Variants in NAV2 observed in about 807,000 individuals in gnomAD.
The protein encoded by NAV2 is helicase, APC down-regulated 1.
A neutral mutation model predicts 223.2 loss-of-function variants in NAV2; 54 were observed. The observed-to-expected ratio is 0.24, with a 90% CI of 0.19 to 0.30. The LOEUF (loss-of-function observed/expected upper bound fraction) is 0.30. Among genes scored for constraint, NAV2 ranks in the 10% least tolerant of loss-of-function variants. The pLI, the probability that NAV2 is intolerant of heterozygous loss-of-function variation, is 1.00. For synonymous variants in NAV2, 1,279 were observed against 1,239.3 expected, an observed-to-expected ratio of 1.03 and a Z score of -0.67; for missense variants, 2,806 against 3,147.5, an observed-to-expected ratio of 0.89 and a Z score of 2.60.
chr11:19,971,341 G>A (rs935630623), intron 10 of NAV2, among the ~76,000 whole-genome samples: 9 of 152,254 alleles, frequency 5.9e-5, no homozygotes, highest in African/African-American at 2.2e-4. Flanking sequence ...CCTTTTCACT[G>A]TGGGATTTTA....
Position 20,095,761 on chromosome 11 carries a change from G to T in NAV2, c.6006G>T (p.Leu2002=), listed in dbSNP as rs138115924. 3.1e-6 allele frequency: 5 copies of T among 1,613,136 alleles called. No individual in the cohort carries two copies. The East Asian group carries it at 8.9e-5, about 29-fold the overall frequency. Reference sequence around the variant, plus strand: ...TGCTCGATGGGGTGGTTAGACGGCTGTTCAAAGTAAGTGTTTCAAGACAAC... The same window carrying T: ...TGCTCGATGGGGTGGTTAGACGGCTTTTCAAAGTAAGTGTTTCAAGACAAC... The part of the protein sequence containing the change: ...WDVLDGVVRR[L]FKEYIIHVDP... Residue 2002 remains leucine, a synonymous_variant, in exon 30 of 38, where the codon CTG becomes CTT. Transcript: ENST00000349880.
intron 11 of NAV2, among the ~76,000 whole-genome samples, chr11:20,011,910 C>T (rs2153512711): frequency 6.6e-6 from 1 of 152,304 alleles, no homozygotes; most frequent in South Asian, 2.1e-4. Flanking sequence ...ATTCTTGGAC[C>T]TAATGTATGC....
intron 11 of NAV2, among the ~76,000 whole-genome samples, chr11:20,028,262 T>A (rs2055310003): frequency 6.6e-6 from 1 of 152,222 alleles, no homozygotes; most frequent in Non-Finnish European, 1.5e-5. Context: ...CTGAGTGGCA[T>A]TTGGATTCCT....
intron 5 of NAV2, among the ~76,000 whole-genome samples, chr11:19,882,234 G>C (rs966414736): frequency 1.3e-5 from 2 of 152,194 alleles, no homozygotes. Context: ...CTACAGATGA[G>C]TTGGGCCAAG....
chr11:19,447,864 T>C (rs1851642752), intron 1 of NAV2, among the ~76,000 whole-genome samples: 1 of 152,118 alleles, frequency 6.6e-6, no homozygotes, highest in Non-Finnish European at 1.5e-5. Flanking sequence ...CAGTGAGATA[T>C]GAGAGATGAG....
chr11:19,599,327 T>G (rs1002308897), intron 1 of NAV2, among the ~76,000 whole-genome samples: 3 of 152,340 alleles, frequency 2.0e-5, no homozygotes, highest in African/African-American at 7.2e-5. Flanking sequence ...ATCCATCCTT[T>G]TTCATGTTTT....
intron 12 of NAV2, among the ~76,000 whole-genome samples, chr11:20,040,405 C>T (rs948960716): frequency 6.6e-6 from 1 of 152,184 alleles, no homozygotes; most frequent in Non-Finnish European, 1.5e-5. Flanking sequence ...ACTGAGTTCA[C>T]CATCAATGCT....
At chr11:20,107,353 TGGGATTATA>T in intron 35 of NAV2, 1 of 208,894 alleles carries the variant, frequency 4.8e-6, no homozygotes, top group Non-Finnish European at 9.7e-6. Flanking sequence ...CCCAAAGTGC[TGGGATTATA>T]GGCGTGAGCC....
intron 1 of NAV2, among the ~76,000 whole-genome samples, chr11:19,830,240 A>G (rs923222519): frequency 2.0e-5 from 3 of 152,206 alleles, no homozygotes; most frequent in Non-Finnish European, 4.4e-5. Context: ...AAAATAAATA[A>G]AAATAAAATA....
At position 20,101,157 on chromosome 11, in the gene NAV2, C is replaced by A; in HGVS notation, c.6402C>A (p.Asp2134Glu). 3.1e-6 allele frequency: 5 copies of A among 1,612,166 alleles called. No individual in the cohort carries two copies. Among genetic ancestry groups the A allele is most frequent in the Non-Finnish European group, 4.2e-6 (5 of 1,178,344 alleles). Reference protein sequence around the residue: ...TDGVIATFNVDHKSSKELRQY... With the variant: ...TDGVIATFNVEHKSSKELRQY... ...GGGTTATCGCCACCTTTAACGTGGA[C>A]CATAAGTCCAGCAAGGTGAGGAGGT... Residue 2134 changes from aspartate (D) to glutamate (E), a missense_variant, in exon 32 of 38, where the codon GAC becomes GAA. Physicochemically the swap from Asp to Glu is conservative, Grantham distance 45 (BLOSUM62 2). This residue lies in a region of NAV2 where 824 missense variants were observed against 1,069.4 expected (regional missense o/e 0.77). Transcript: ENST00000349880.
At chr11:19,516,239 C>T (rs1332427951) in intron 1 of NAV2, among the ~76,000 whole-genome samples, 1 of 152,154 alleles carries the variant, frequency 6.6e-6, no homozygotes, top group Non-Finnish European at 1.5e-5. Flanking sequence ...TGTCTTTTTG[C>T]TGCAAGTAAA....
intron 1 of NAV2, among the ~76,000 whole-genome samples, chr11:19,569,763 C>T (rs898833495): frequency 6.6e-6 from 1 of 152,132 alleles, no homozygotes; most frequent in African/African-American, 2.4e-5. Context: ...GAACTGATTA[C>T]AATGTGATGC....
chr11:19,757,583 G>A (rs184803593), intron 1 of NAV2, among the ~76,000 whole-genome samples: 361 of 152,216 alleles, frequency 2.4e-3, no homozygotes, highest in African/African-American at 8.2e-3. Flanking sequence ...CCTCTTTATC[G>A]TAAGATTCAG....
intron 2 of NAV2, among the ~76,000 whole-genome samples, chr11:19,832,887 C>A (rs927007218): frequency 2.6e-5 from 4 of 152,184 alleles, no homozygotes; most frequent in African/African-American, 9.7e-5. Flanking sequence ...GTGTTCTGCA[C>A]CACTTCTTGC....
intron 15 of NAV2, 122 bp downstream of exon 15, chr11:20,049,317 C>A: frequency 1.3e-6 from 1 of 769,146 alleles, no homozygotes; most frequent in South Asian, 1.9e-5. Context: ...TTTCTAATTA[C>A]TGCTGTCTTT....
Position 19,934,404 on chromosome 11 carries a change from C to G in NAV2, c.2033+127C>G. The G allele has an allele frequency of 2.7e-6, 3 of 1,124,552 alleles. No individual in the cohort carries two copies. The South Asian group carries it at 6.8e-5, about 25-fold the overall frequency. The allele number at this position is 1,124,552 out of a possible 1,614,324, so 69.7% of individuals were successfully genotyped here. A position where few individuals can be genotyped will look rare whatever the true frequency, so the allele number is the denominator to read the frequency against. ...AATACTTAAGTCAGTAGCTAAGAAA[C>G]CACGTGATGAACTCCTAAGAGAAGC... is the stretch of plus-strand genomic sequence containing the variant. On this transcript the variant is annotated intron_variant, in intron 7 of 37. Transcript: ENST00000349880.
chr11:19,775,290 A>G (rs2056073078), intron 1 of NAV2, among the ~76,000 whole-genome samples: 1 of 152,134 alleles, frequency 6.6e-6, no homozygotes, highest in South Asian at 2.1e-4. Context: ...GACAGCAAAT[A>G]TTGCTGCCTC....
chr11:19,397,287 G>A (rs1849489108), intron 1 of NAV2, among the ~76,000 whole-genome samples: 2 of 152,136 alleles, frequency 1.3e-5, no homozygotes, highest in Admixed American at 6.5e-5. Flanking sequence ...TCTAAAAGTG[G>A]ACAGGATGCT....
chr11:19,618,721 G>A (rs1404698161), intron 1 of NAV2, among the ~76,000 whole-genome samples: 1 of 152,100 alleles, frequency 6.6e-6, no homozygotes, highest in African/African-American at 2.4e-5. Context: ...TTGGGGACGT[G>A]AGGGCTCTGA....
Sources: allele counts gnomAD v4.1 joint callset (sites outside exome capture counted in the v4.1 genomes callset), GRCh38; gene constraint gnomAD v4.1.1; regional missense constraint gnomAD v4.1.1; transcripts MANE v1.5; gene names NCBI Gene and HGNC (gene_info 2026-07-23, HGNC 2026-07-21).